Variants in FAM178B observed in about 807,000 individuals in gnomAD.
FAM178B encodes the protein protein FAM178B.
In FAM178B, 82 loss-of-function variants were observed where a neutral mutation model predicts 91.7. The ratio of observed to expected loss-of-function variants is 0.89; its 90% CI spans 0.75 to 1.07. The LOEUF (loss-of-function observed/expected upper bound fraction) is 1.07, where lower values mean the gene tolerates loss of function less well. FAM178B is among the 50% of genes least tolerant of loss of function. The pLI is 0.00. For missense variants in FAM178B, 769 were observed against 846.7 expected, an observed-to-expected ratio of 0.91 and a Z score of 1.14; for synonymous variants, 368 against 359.4, an observed-to-expected ratio of 1.02 and a Z score of -0.27.
intron 5 of FAM178B, among the ~76,000 whole-genome samples, chr2:96,962,870 T>C (rs1291475676): frequency 6.6e-6 from 1 of 152,166 alleles, no homozygotes; most frequent in East Asian, 1.9e-4. Flanking sequence ...GCCCCCACCC[T>C]AAGCATCCCT....
rs1410408260 is a variant in FAM178B at position 96,986,349 on chromosome 2, G to C, written c.-36C>G. 1 of 1,528,320 alleles carries C rather than the reference G, an allele frequency of 6.5e-7. No individual in the cohort carries two copies. The highest frequency in any genetic ancestry group is 1.4e-5 in the African/African-American group (1 of 72,620). The allele number at this position is 1,528,320 out of a possible 1,614,324, so 94.7% of individuals were successfully genotyped here. On this transcript the variant is annotated 5_prime_UTR_variant, in exon 1 of 17. Transcript: ENST00000490605. ...GGGCAGGGCTCCGGGGTGAGGGAGG[G>C]TGGCGGGAATTCGCACGGCCTCAGA...
intron 14 of FAM178B, among the ~76,000 whole-genome samples, chr2:96,880,512 C>T (rs184462190): frequency 9.2e-5 from 14 of 152,328 alleles, no homozygotes; most frequent in Non-Finnish European, 1.8e-4. Context: ...ACAGGGTATC[C>T]CTACCTTTCC....
chr2:96,921,012 T>C (rs2081328394), intron 12 of FAM178B, among the ~76,000 whole-genome samples, 153 bp downstream of exon 12: 1 of 152,140 alleles, frequency 6.6e-6, no homozygotes, highest in Non-Finnish European at 1.5e-5. Flanking sequence ...TGTAAAGAAC[T>C]CATTAGTGAG....
intron 7 of FAM178B, among the ~76,000 whole-genome samples, chr2:96,949,665 T>C (rs945497697): frequency 6.6e-6 from 1 of 152,212 alleles, no homozygotes; most frequent in Non-Finnish European, 1.5e-5. Flanking sequence ...CTGAGGACAC[T>C]GCCCAGAAGG....
At chr2:96,919,887 CCCA>C (rs2081304336) in intron 12 of FAM178B, among the ~76,000 whole-genome samples, 1 of 152,178 alleles carries the variant, frequency 6.6e-6, no homozygotes, top group Non-Finnish European at 1.5e-5. Flanking sequence ...TGAAGCGGAG[CCCA>C]GGACAACTGA....
intron 12 of FAM178B, among the ~76,000 whole-genome samples, chr2:96,913,000 G>A (rs896617691): frequency 6.6e-6 from 1 of 152,248 alleles, no homozygotes; most frequent in Non-Finnish European, 1.5e-5. Context: ...CGAGGGAGAT[G>A]TGGGTGGAGA....
In FAM178B at chr2:96,918,148, T is replaced by C. The variant is rs184176206; in HGVS notation, c.1562+3017A>G. On this transcript the variant is annotated intron_variant, in intron 12 of 16. Transcript: ENST00000490605. ...CTGTCCTGTAAATCTAAATCTATTC[T>C]AAAATAAAAAAAAAAAGGACTGAAA... Among the ~76,000 whole-genome samples, 812 of 110,830 alleles carry C rather than the reference T, an allele frequency of 7.3e-3. 8 individuals carry two copies. The highest frequency in any genetic ancestry group is 0.028 in the African/African-American group (776 of 28,142). The allele number at this position is 110,830 out of a possible 152,430, so 72.7% of individuals were successfully genotyped here.
intron 14 of FAM178B, among the ~76,000 whole-genome samples, chr2:96,879,667 G>A (rs1230285325): frequency 1.3e-5 from 2 of 152,254 alleles, no homozygotes; most frequent in Non-Finnish European, 2.9e-5. Flanking sequence ...AACGGCTAAG[G>A]CCCACGGGTG....
At chr2:96,905,180 T>C (rs763244850) in intron 12 of FAM178B, among the ~76,000 whole-genome samples, 24 of 152,160 alleles carry the variant, frequency 1.6e-4, no homozygotes, top group Non-Finnish European at 3.2e-4. Flanking sequence ...TTCACGTGCA[T>C]TGGACTTGTG....
chr2:96,957,690 G>A (rs981258483), intron 6 of FAM178B, among the ~76,000 whole-genome samples: 2 of 152,140 alleles, frequency 1.3e-5, no homozygotes, highest in African/African-American at 4.8e-5. Context: ...TCCTTTCTCC[G>A]CTGTTCACCT....
chr2:96,938,279 T>C (rs965022923), intron 8 of FAM178B, among the ~76,000 whole-genome samples: 3 of 152,130 alleles, frequency 2.0e-5, no homozygotes, highest in African/African-American at 7.2e-5. Flanking sequence ...GGTACTGTCC[T>C]AAGGGAACGA....
At chr2:96,985,252 G>C (rs1309927258) in intron 1 of FAM178B, among the ~76,000 whole-genome samples, 1 of 152,136 alleles carries the variant, frequency 6.6e-6, no homozygotes, top group South Asian at 2.1e-4. Context: ...CGCCAGCCAG[G>C]ACCTGTTTCT....
At position 96,986,405 on chromosome 2, in the gene FAM178B, AG is replaced by A. The variant is rs2082425497; in HGVS notation, c.-93del. On this transcript the variant is annotated 5_prime_UTR_variant, in exon 1 of 17. Transcript: ENST00000490605. ...GGGCCAGCTAGCCGGGAAAGGAAGC[AG>A]GAGCAGGCTCCCCAGGCGGCGCAGT... 3.5e-6 allele frequency: 5 copies of A among 1,447,864 alleles called. No individual in the cohort carries two copies. Among genetic ancestry groups the A allele is most frequent in the East Asian group, 2.5e-5 (1 of 39,242 alleles). 89.7% of individuals were successfully genotyped at this position (1,447,864 alleles called of 1,614,324 possible). A position where few individuals can be genotyped will look rare whatever the true frequency, so the allele number is the denominator to read the frequency against.
At position 96,878,486 on chromosome 2, in the gene FAM178B, T is replaced by C; in HGVS notation, c.1784A>G (p.Tyr595Cys). 1 of 1,613,780 alleles carries C rather than the reference T, an allele frequency of 6.2e-7. No homozygotes were observed. The highest frequency in any genetic ancestry group is 8.5e-7 in the Non-Finnish European group (1 of 1,179,984). ...CAGCATCAGCAAGCTGTGGCACAGGTAGCAGGCCTGGAGGGAGAGCACAGG... is the reference window on the plus strand; with the variant it reads ...CAGCATCAGCAAGCTGTGGCACAGGCAGCAGGCCTGGAGGGAGAGCACAGG... ...ASAELDHKAC[Y>C]LCHSLLMLAG... Residue 595 changes from tyrosine to cysteine, a missense_variant, in exon 15 of 17, where the codon TAC becomes TGC. Physicochemically the swap from Tyr to Cys is radical, Grantham distance 194. Coordinates refer to ENST00000490605, the MANE Select transcript of FAM178B (RefSeq NM_001122646.3).
intron 8 of FAM178B, among the ~76,000 whole-genome samples, chr2:96,944,241 CAA>C (rs397868752): frequency 0.23 from 12,673 of 55,930 alleles, 492 homozygotes; most frequent in African/African-American, 0.31. Context: ...GACTCCATCT[CAA>C]AAAAAAAAAA....
chr2:96,985,031 A>T (rs750131323), intron 1 of FAM178B, among the ~76,000 whole-genome samples: 6 of 152,214 alleles, frequency 3.9e-5, no homozygotes, highest in Non-Finnish European at 7.3e-5. Flanking sequence ...TGTGGGACCC[A>T]GCCCAACTTC....
chr2:96,901,956 C>T (rs2080941504), intron 13 of FAM178B, among the ~76,000 whole-genome samples: 1 of 152,128 alleles, frequency 6.6e-6, no homozygotes, highest in Non-Finnish European at 1.5e-5. Flanking sequence ...CGCCACCATG[C>T]CCAGCTAGTT....
intron 12 of FAM178B, among the ~76,000 whole-genome samples, chr2:96,909,881 G>A (rs2081122483): frequency 6.6e-6 from 1 of 152,170 alleles, no homozygotes; most frequent in South Asian, 2.1e-4. Flanking sequence ...TGGCCAACCT[G>A]TGAGTGGAGA....
At chr2:96,918,773 G>T (rs989725175) in intron 12 of FAM178B, among the ~76,000 whole-genome samples, 1 of 152,186 alleles carries the variant, frequency 6.6e-6, no homozygotes, top group African/African-American at 2.4e-5. Context: ...GAAATCAGTA[G>T]TCAGACAGCC....
Sources: allele counts gnomAD v4.1 joint callset (sites outside exome capture counted in the v4.1 genomes callset), GRCh38; gene constraint gnomAD v4.1.1; transcripts MANE v1.5; gene names NCBI Gene and HGNC (gene_info 2026-07-23, HGNC 2026-07-21).